Variants in FGF13 observed in about 807,000 individuals in gnomAD.
FGF13 encodes fibroblast growth factor 13.
Under a neutral mutation model 19.5 loss-of-function variants are expected in FGF13, and 2 were observed. That is an observed-to-expected ratio of 0.10 (90% CI 0.04 to 0.32). The LOEUF is 0.32. FGF13 is among the 10% of genes least tolerant of loss of function. FGF13 has a pLI of 1.00. For synonymous variants in FGF13, 72 were observed against 76.9 expected, an observed-to-expected ratio of 0.94 and a Z score of 0.33; for missense variants, 113 against 192.7, an observed-to-expected ratio of 0.59 and a Z score of 2.45.
chrX:138,652,386 G>C (rs1299643466), intron 3 of FGF13, among the ~76,000 whole-genome samples: 1 of 111,303 alleles, frequency 9.0e-6, no homozygotes, highest in African/African-American at 3.3e-5. Context: ...TTTAAAGTCT[G>C]TCTACCCTCT....
intron 4 of FGF13, among the ~76,000 whole-genome samples, chrX:138,634,542 T>A (rs2089160897): frequency 8.9e-6 from 1 of 112,959 alleles, no homozygotes; most frequent in Non-Finnish European, 1.9e-5. Flanking sequence ...AGCAAATGTT[T>A]TTGAGTGTTA....
chrX:138,738,614 G>C (rs2090297388), intron 1 of FGF13, among the ~76,000 whole-genome samples: 1 of 111,564 alleles, frequency 9.0e-6, no homozygotes, highest in Admixed American at 9.5e-5. Flanking sequence ...GCTATCTGCG[G>C]CATCTGCCTT....
chrX:138,758,606 C>T (rs149638714), intron 3 of FGF13, among the ~76,000 whole-genome samples: 2,473 of 111,262 alleles, frequency 0.022, 68 homozygotes, highest in African/African-American at 0.072. Flanking sequence ...ATGCAAGGCC[C>T]TTGGCATACC....
intron 1 of FGF13, among the ~76,000 whole-genome samples, chrX:138,709,774 A>C (rs1272064766): frequency 8.9e-6 from 1 of 112,178 alleles, no homozygotes; most frequent in Non-Finnish European, 1.9e-5. Context: ...AATAATATTT[A>C]TGTGATTATT....
Position 138,703,135 on chromosome X carries a change from A to C in FGF13, c.299-48T>G, listed in dbSNP as rs746731351. 6.0e-6 allele frequency: 6 copies of C among 997,997 alleles called. No homozygotes were observed. The South Asian group carries it at 1.2e-4, about 19-fold the overall frequency. 82.2% of individuals were successfully genotyped at this position (997,997 alleles called of 1,213,427 possible). A position where few individuals can be genotyped will look rare whatever the true frequency, so the allele number is the denominator to read the frequency against. On this transcript the variant is annotated intron_variant, in intron 2 of 4. Transcript: ENST00000315930. Reference sequence around the variant, plus strand: ...AAACAGTGTTACAATTCTGAATTTCAGAACTTTTCAATGTTTCCAGCAGGA... The same window carrying C: ...AAACAGTGTTACAATTCTGAATTTCCGAACTTTTCAATGTTTCCAGCAGGA...
chrX:139,187,499 T>C (rs780509451), intron 1 of FGF13, among the ~76,000 whole-genome samples: 8 of 112,186 alleles, frequency 7.1e-5, no homozygotes, highest in Non-Finnish European at 1.3e-4. Context: ...CTCTTTCTTG[T>C]TACTAATAAA....
intron 3 of FGF13, among the ~76,000 whole-genome samples, chrX:138,649,263 C>T (rs950405406): frequency 8.9e-6 from 1 of 111,788 alleles, no homozygotes; most frequent in Non-Finnish European, 1.9e-5. Flanking sequence ...TATGTCATTA[C>T]ATGATGATGG....
intron 1 of FGF13, among the ~76,000 whole-genome samples, chrX:138,984,814 C>CTG (rs200719953): frequency 0.016 from 1,424 of 90,848 alleles, 27 homozygotes; most frequent in African/African-American, 0.046. Context: ...TATGTCAGTT[C>CTG]TGTGTGTGTG....
At chrX:139,105,065 C>T (rs758496578) in intron 1 of FGF13, among the ~76,000 whole-genome samples, 8 of 110,446 alleles carry the variant, frequency 7.2e-5, no homozygotes, top group Non-Finnish European at 1.5e-4. Context: ...TTTACCAAGA[C>T]CATTGCTAAT....
At chrX:138,848,719 T>C (rs1024065994) in intron 3 of FGF13, among the ~76,000 whole-genome samples, 1 of 111,709 alleles carries the variant, frequency 9.0e-6, no homozygotes, top group African/African-American at 3.3e-5. Context: ...GGTTTGATGT[T>C]GAGCTCAGGC....
chrX:138,794,299 G>C (rs2090762147), intron 3 of FGF13, among the ~76,000 whole-genome samples: 1 of 111,565 alleles, frequency 9.0e-6, no homozygotes, highest in Non-Finnish European at 1.9e-5. Context: ...TGATTCATAA[G>C]GATTAAATTT....
chrX:139,147,067 T>C (rs1004181782), intron 1 of FGF13, among the ~76,000 whole-genome samples: 1 of 109,664 alleles, frequency 9.1e-6, no homozygotes, highest in African/African-American at 3.3e-5. Flanking sequence ...TGTATACATA[T>C]GTAACAAACC....
chrX:138,694,446 C>A (rs1312319144), intron 3 of FGF13, among the ~76,000 whole-genome samples: 1 of 98,303 alleles, frequency 1.0e-5, no homozygotes, highest in African/African-American at 3.7e-5. Context: ...TTTTTCTTTT[C>A]TTTTCTTTTT....
At chrX:139,070,326 A>C (rs1477616979) in intron 1 of FGF13, among the ~76,000 whole-genome samples, 1 of 112,575 alleles carries the variant, frequency 8.9e-6, no homozygotes, top group Non-Finnish European at 1.9e-5. Flanking sequence ...GAAGGATATG[A>C]ACAGACAATT....
At chrX:138,786,879 A>G (rs1207369853) in intron 3 of FGF13, among the ~76,000 whole-genome samples, 1 of 112,154 alleles carries the variant, frequency 8.9e-6, no homozygotes, top group Non-Finnish European at 1.9e-5. Flanking sequence ...CACCAGTTCT[A>G]TTAGCACCAA....
intron 1 of FGF13, among the ~76,000 whole-genome samples, chrX:138,933,574 G>T (rs930611404): frequency 6.2e-5 from 7 of 112,149 alleles, no homozygotes; most frequent in African/African-American, 2.3e-4. Flanking sequence ...AGTCCCAAGG[G>T]TAACTAACTT....
rs1309024690 is a variant in FGF13, at chrX:138,628,867, G to A, written c.*3983C>T. 1 of 112,060 alleles carries A rather than the reference G, an allele frequency of 8.9e-6. No homozygotes were observed. Among genetic ancestry groups the A allele is most frequent in the East Asian group, 2.8e-4 (1 of 3,554 alleles). 9.2% of individuals were successfully genotyped at this position (112,060 alleles called of 1,213,427 possible). A position where few individuals can be genotyped will look rare whatever the true frequency, so the allele number is the denominator to read the frequency against. ...TCCTTTAAGGATTCCATGGCAATGA[G>A]CATGTCCTCTCTTTGGATACAAACA... On this transcript the variant is annotated 3_prime_UTR_variant, in exon 5 of 5. Transcript: ENST00000315930.
At chrX:139,051,094 A>G (rs749457922) in intron 1 of FGF13, among the ~76,000 whole-genome samples, 24 of 112,205 alleles carry the variant, frequency 2.1e-4, no homozygotes, top group African/African-American at 7.4e-4. Context: ...AGATAGAAAT[A>G]TACAATAGTA....
intron 3 of FGF13, among the ~76,000 whole-genome samples, chrX:138,816,700 G>A (rs950864045): frequency 1.8e-5 from 2 of 112,677 alleles, no homozygotes; most frequent in Non-Finnish European, 3.7e-5. Flanking sequence ...GCCCAGGACA[G>A]CTTCGAATGT....
Sources: gnomAD v4.1 joint callset for allele counts (sites outside exome capture counted in the v4.1 genomes callset) on GRCh38, gnomAD v4.1.1 for gene constraint, MANE v1.5 for transcripts, NCBI Gene and HGNC (gene_info 2026-07-23, HGNC 2026-07-21) for gene names.